FAM135A: variants seen among roughly 807,000 people sequenced by gnomAD.
FAM135A encodes family with sequence similarity 135 member A, also known as protein FAM135A.
Under a neutral mutation model 146.8 loss-of-function variants are expected in FAM135A, and 79 were observed. The observed-to-expected ratio is 0.54, with a 90% confidence interval of 0.45 to 0.65. The LOEUF (loss-of-function observed/expected upper bound fraction) is 0.65, where lower values mean the gene tolerates loss of function less well. Ranked by LOEUF, FAM135A falls within the 30% of genes least tolerant of loss-of-function variation. FAM135A has a pLI of 0.00. For missense variants in FAM135A, 1,623 were observed against 1,758.2 expected (o/e 0.92, Z 1.38); for synonymous variants, 562 against 603.6 (o/e 0.93, Z 1.01).
At chr6:70,551,152 ATTT>A (rs1339932221) in intron 20 of FAM135A, among the ~76,000 whole-genome samples, 7 of 152,184 alleles carry the variant, frequency 4.6e-5, no homozygotes, top group Non-Finnish European at 1.0e-4. Context: ...GTGTCTCATC[ATTT>A]GTGTTTTCAC....
chr6:70,443,776 G>C (rs1339022136), intron 4 of FAM135A, among the ~76,000 whole-genome samples: 1 of 151,466 alleles, frequency 6.6e-6, no homozygotes, highest in Non-Finnish European at 1.5e-5. Context: ...TTGGTTGATT[G>C]GTCTTTTTCA....
chr6:70,428,703 C>T (rs182157981), intron 4 of FAM135A, among the ~76,000 whole-genome samples: 143 of 152,068 alleles, frequency 9.4e-4, no homozygotes, highest in African/African-American at 3.4e-3. Context: ...TCTTTAAAAT[C>T]TTATAGTATA....
At chr6:70,426,402 A>G (rs1403685143) in intron 2 of FAM135A, 37 bp from the exon 3 acceptor site, 1 of 152,154 alleles carries the variant, frequency 6.6e-6, no homozygotes, top group African/African-American at 2.4e-5. Flanking sequence ...TTTTATGTCT[A>G]CTATTTGGTT....
At chr6:70,508,083 G>A (rs1186790714) in intron 12 of FAM135A, among the ~76,000 whole-genome samples, 1 of 152,068 alleles carries the variant, frequency 6.6e-6, no homozygotes, top group Non-Finnish European at 1.5e-5. Flanking sequence ...CATAAAAAAG[G>A]CGAGGTTCAT....
chr6:70,433,138 G>C (rs1772089193), intron 4 of FAM135A, among the ~76,000 whole-genome samples: 1 of 149,960 alleles, frequency 6.7e-6, no homozygotes, highest in Non-Finnish European at 1.5e-5. Context: ...GCGGTGGCTT[G>C]ATCTCGGCTC....
intron 12 of FAM135A, chr6:70,505,077 TA>T: frequency 1.2e-5 from 1 of 85,836 alleles, no homozygotes; most frequent in East Asian, 2.4e-4. Flanking sequence ...GATACACATA[TA>T]TATATATATA....
rs1001659426 is a variant in FAM135A, at chr6:70,437,945, T to A, written c.77+9526T>A. Among the ~76,000 whole-genome samples the A allele has an allele frequency of 9.9e-5, 15 of 152,040 alleles. No homozygotes were observed. In the South Asian group the frequency reaches 1.5e-3, roughly 15 times the overall value. On this transcript the variant is annotated intron_variant, in intron 4 of 21. Coordinates refer to ENST00000418814, the MANE Select transcript of FAM135A (RefSeq NM_001162529.3). The stretch of plus-strand genomic sequence containing the variant: ...TTCTTTCATAAAAAGCAAGAAAAAA[T>A]TTTTAATCATTCTTTCTATAGATAC...
chr6:70,464,107 T>C (rs1779925750), intron 5 of FAM135A, among the ~76,000 whole-genome samples: 1 of 152,216 alleles, frequency 6.6e-6, no homozygotes, highest in African/African-American at 2.4e-5. Context: ...TATGGTTGAA[T>C]GAATAGTCAC....
intron 4 of FAM135A, among the ~76,000 whole-genome samples, chr6:70,446,491 A>G (rs1187660395): frequency 6.6e-6 from 1 of 152,072 alleles, no homozygotes; most frequent in African/African-American, 2.4e-5. Context: ...ATTGTGCAGC[A>G]CCTCTGCCTG....
In FAM135A at chr6:70,417,073, GTAAC is replaced by G. The variant is rs564491930; in HGVS notation, c.-134+1702_-134+1705del. 5.6e-4 allele frequency among the ~76,000 whole-genome samples: 85 copies of G among 152,088 alleles called. No homozygotes were observed. In the South Asian group the frequency reaches 0.018, roughly 32 times the overall value. On this transcript the variant is annotated intron_variant, in intron 2 of 21. Transcript: ENST00000418814. ...CCATTAAGAGACATCTCCTACTTGA[GTAAC>G]TAACCCTTCAGGTAGTTCTTATTTT...
rs563578068 is a variant in FAM135A, at chr6:70,445,966, A to G, written c.78-6526A>G. On this transcript the variant is annotated intron_variant, in intron 4 of 21. Transcript: ENST00000418814. Reference sequence around the variant, plus strand: ...GAGTCAGGATCTGCATCTGCAGACTATACAAAGACAAACAACACAGATTAA... The same window carrying G: ...GAGTCAGGATCTGCATCTGCAGACTGTACAAAGACAAACAACACAGATTAA... Among the ~76,000 whole-genome samples, 4 of 152,376 alleles carry G rather than the reference A, an allele frequency of 2.6e-5. No homozygotes were observed. In the South Asian group the frequency reaches 6.2e-4, roughly 24 times the overall value.
intron 4 of FAM135A, among the ~76,000 whole-genome samples, chr6:70,434,236 A>G (rs1452693431): frequency 6.6e-6 from 1 of 152,220 alleles, no homozygotes; most frequent in African/African-American, 2.4e-5. Flanking sequence ...AAACATTGCT[A>G]TTTGAACACC....
At chr6:70,505,085 TATA>T (rs1789455012) in intron 12 of FAM135A, 1 of 152,016 alleles carries the variant, frequency 6.6e-6, no homozygotes, top group African/African-American at 2.4e-5. Flanking sequence ...TATATATATA[TATA>T]TATGCATACA....
intron 11 of FAM135A, among the ~76,000 whole-genome samples, chr6:70,494,246 A>G (rs946876570): frequency 1.3e-5 from 2 of 152,014 alleles, no homozygotes; most frequent in South Asian, 2.1e-4. Flanking sequence ...TTGTTTTCCC[A>G]TATTTTCTAA....
At chr6:70,517,254 G>A (rs1395766016) in intron 12 of FAM135A, among the ~76,000 whole-genome samples, 1 of 152,040 alleles carries the variant, frequency 6.6e-6, no homozygotes, top group East Asian at 1.9e-4. Context: ...ATCCAGGTGG[G>A]GGATGGTGGC....
intron 20 of FAM135A, among the ~76,000 whole-genome samples, chr6:70,539,144 C>A (rs1281246360): frequency 6.6e-6 from 1 of 151,988 alleles, no homozygotes; most frequent in African/African-American, 2.4e-5. Context: ...CCTTTGAAAT[C>A]CTCATTTGAG....
At chr6:70,418,452 C>T (rs1768022674) in intron 2 of FAM135A, 1 of 152,460 alleles carries the variant, frequency 6.6e-6, no homozygotes, top group Non-Finnish European at 1.5e-5. Flanking sequence ...GCCTCAGCTT[C>T]CTGAGTAGCT....
At chr6:70,493,040 A>G in intron 11 of FAM135A, among the ~76,000 whole-genome samples, 1 of 152,094 alleles carries the variant, frequency 6.6e-6, no homozygotes, top group East Asian at 1.9e-4. Flanking sequence ...GAATTACATC[A>G]TTAATTATTA....
intron 11 of FAM135A, among the ~76,000 whole-genome samples, chr6:70,501,420 C>G: frequency 6.6e-6 from 1 of 152,232 alleles, no homozygotes; most frequent in East Asian, 1.9e-4. Flanking sequence ...TGATTCCTAG[C>G]TTGCTGGGCT....
Sources: gnomAD v4.1 joint callset for allele counts (sites outside exome capture counted in the v4.1 genomes callset) on GRCh38, gnomAD v4.1.1 for gene constraint, MANE v1.5 for transcripts, NCBI Gene and HGNC (gene_info 2026-07-23, HGNC 2026-07-21) for gene names.